WDR81: variants seen among roughly 807,000 people sequenced by gnomAD.
WDR81 encodes WD repeat domain 81, also known as WD repeat-containing protein 81.
In WDR81, 92 loss-of-function variants were observed where a neutral mutation model predicts 140.8. The observed-to-expected ratio is 0.65, with a 90% CI of 0.55 to 0.78. WDR81 has a LOEUF of 0.78. Among genes scored for constraint, WDR81 ranks in the 30% least tolerant of loss-of-function variants. The pLI is 0.00. For missense variants in WDR81, 2,502 were observed against 2,636.4 expected (o/e 0.95, Z 1.12); for synonymous variants, 1,183 against 1,156.4 (o/e 1.02, Z -0.47).
chr17:1,730,767 A>G lies in WDR81; in HGVS notation c.3788A>G (p.Gln1263Arg), dbSNP rs772316291. The change falls in exon 3 of 10, where the codon CAG becomes CGG. Residue 1263 changes from glutamine (Q) to arginine (R), a missense_variant. By Grantham distance (43) the Gln-to-Arg change is conservative (BLOSUM62 1). This residue lies in a region of WDR81 where 1,737 missense variants were observed against 1,843.0 expected (regional missense o/e 0.94). Transcript: ENST00000409644. Reference protein sequence around the residue: ...LTSCYVGPTRQQFTVSSGESP... With the variant: ...LTSCYVGPTRRQFTVSSGESP... ...CCTTCCGTGGCAGGACCCACTCGGC[A>G]GCAGTTCACAGTGAGCAGTGGCGAG... 1 of 1,610,124 alleles carries G rather than the reference A, an allele frequency of 6.2e-7. No individual in the cohort carries two copies. Among genetic ancestry groups the G allele is most frequent in the South Asian group, 1.1e-5 (1 of 90,920 alleles).
rs1362900463 is a variant in WDR81 at position 1,727,504 on chromosome 17, A to C, written c.2545A>C (p.Arg849=). 6.4e-7 allele frequency: 1 copy of C among 1,550,406 alleles called. No homozygotes were observed. The highest frequency in any genetic ancestry group is 1.2e-5 in the South Asian group (1 of 84,066). Residue 849 remains arginine (R), a synonymous_variant, in exon 1 of 10, where the codon AGG becomes CGG. Coordinates refer to ENST00000409644, the MANE Select transcript of WDR81 (RefSeq NM_001163809.2). ...RGKLDQLFEY[R]PVSQGLPPPC... is the part of the protein sequence containing the mutation. ...CAAGCTGGACCAACTGTTTGAGTACAGGCCTGTCTCCCAGGGCCTGCCCCC... is the reference window on the plus strand; with the variant it reads ...CAAGCTGGACCAACTGTTTGAGTACCGGCCTGTCTCCCAGGGCCTGCCCCC...
In WDR81 at chr17:1,726,681, C is replaced by T. The variant is rs149461499; in HGVS notation, c.1722C>T (p.His574=). ...VCLHLVDAHT[H]LASYGVVQLF... ...TGCACCTGGTGGACGCCCACACTCA[C>T]CTGGCCAGCTACGGGGTGGTGCAGC... Residue 574 remains histidine (H), a synonymous_variant, in exon 1 of 10, where the codon CAC becomes CAT. Transcript: ENST00000409644. 9.2e-4 allele frequency: 1,419 copies of T among 1,549,982 alleles called. 18 individuals carry two copies. The East Asian group carries it at 0.031, about 33-fold the overall frequency.
Position 1,731,134 on chromosome 17 carries a change from G to C in WDR81, c.4033G>C (p.Ala1345Pro), listed in dbSNP as rs751643116. The C allele has an allele frequency of 6.2e-7, 1 of 1,613,286 alleles. No homozygotes were observed. Among genetic ancestry groups the C allele is most frequent in the South Asian group, 1.1e-5 (1 of 91,090 alleles). Residue 1345 changes from alanine (A) to proline (P), a missense_variant, in exon 4 of 10, where the codon GCG becomes CCG. Ala to Pro is a conservative substitution (Grantham distance 27). This residue lies in a region of WDR81 where 1,737 missense variants were observed against 1,843.0 expected (regional missense o/e 0.94). Transcript: ENST00000409644. ...CCGTAAGGAGGCGGGGCTGCTGGCCGCGGTGACGCTGACTCAGAAGATCAT... is the reference window on the plus strand; with the variant it reads ...CCGTAAGGAGGCGGGGCTGCTGGCCCCGGTGACGCTGACTCAGAAGATCAT... ...NSRKEAGLLAAVTLTQKIIVY... is the reference protein window; with the variant it reads ...NSRKEAGLLAPVTLTQKIIVY...
Position 1,735,873 on chromosome 17 carries a change from G to A in WDR81, c.5325+156G>A. 1 of 1,362,316 alleles carries A rather than the reference G, an allele frequency of 7.3e-7. No individual in the cohort carries two copies. The highest frequency in any genetic ancestry group is 9.8e-7 in the Non-Finnish European group (1 of 1,016,458). 84.4% of individuals were successfully genotyped at this position (1,362,316 alleles called of 1,614,324 possible). Reference sequence around the variant, plus strand: ...CACCCACAGCCACACATCCTGCGGGGCAGGACTCTGGCCTGTGATGGGGGT... The same window carrying A: ...CACCCACAGCCACACATCCTGCGGGACAGGACTCTGGCCTGTGATGGGGGT... On this transcript the variant is annotated intron_variant, in intron 8 of 9. Transcript: ENST00000409644. The surrounding 1 kb of genome is among the most constrained non-coding windows in gnomAD (Gnocchi z 4.2).
chr17:1,723,635 C>A (rs1480482007), upstream of WDR81, among the ~76,000 whole-genome samples: 1 of 151,750 alleles, frequency 6.6e-6, no homozygotes, highest in Non-Finnish European at 1.5e-5. Flanking sequence ...ACAGGCGCCC[C>A]CCACCACGGC....
upstream of WDR81, among the ~76,000 whole-genome samples, chr17:1,720,828 T>G (rs1006460503): frequency 2.0e-5 from 3 of 151,712 alleles, no homozygotes; most frequent in African/African-American, 7.3e-5. Context: ...AGGGCTCAGA[T>G]TGGGCCAGGG....
At chr17:1,721,347 G>A (rs765600301), upstream of WDR81, among the ~76,000 whole-genome samples, 2 of 129,626 alleles carry the variant, frequency 1.5e-5, no homozygotes, top group Non-Finnish European at 1.7e-5. Flanking sequence ...CAACAAGAGC[G>A]AAACTTTGTC....
rs1350543125 is a variant in WDR81 at position 1,726,258 on chromosome 17, A to G, written c.1299A>G (p.Glu433=). 1 of 1,534,064 alleles carries G rather than the reference A, an allele frequency of 6.5e-7. No homozygotes were observed. Among genetic ancestry groups the G allele is most frequent in the East Asian group, 2.5e-5 (1 of 40,666 alleles). Residue 433 remains glutamate (E), a synonymous_variant, in exon 1 of 10, where the codon GAA becomes GAG. Coordinates refer to ENST00000409644, the MANE Select transcript of WDR81 (RefSeq NM_001163809.2). ...AFVAGGAGGG[E]PPHVPHHISD... ...TAGCAGGCGGGGCGGGCGGCGGGGA[A>G]CCCCCTCATGTTCCCCACCACATCT... is the stretch of plus-strand genomic sequence containing the variant.
rs146205209 is a variant in WDR81 at position 1,735,533 on chromosome 17, C to G, written c.5180-39C>G. On this transcript the variant is annotated intron_variant, in intron 7 of 9. Transcript: ENST00000409644. The surrounding 1 kb of genome is among the most constrained non-coding windows in gnomAD (Gnocchi z 4.2). ...GAAGCTCCCAGGGCTCTTCCGTCAG[C>G]TGCTGGGACCCCAGATCCACTGTGA... 6.5e-7 allele frequency: 1 copy of G among 1,545,892 alleles called. No individual in the cohort carries two copies. Among genetic ancestry groups the G allele is most frequent in the African/African-American group, 1.4e-5 (1 of 73,238 alleles).
At position 1,730,869 on chromosome 17, in the gene WDR81, G is replaced by T. The variant is rs1904310710; in HGVS notation, c.3890G>T (p.Ser1297Ile). ...GACATCGTGTCAGGGCCTGTGCTCA[G>T]CTGCCTCCTCCACATCGCCCGCCTG... ...LGDIVSGPVLSCLLHIARLYG... is the reference protein window; with the variant it reads ...LGDIVSGPVLICLLHIARLYG... Residue 1297 changes from serine to isoleucine, a missense_variant, in exon 3 of 10, where the codon AGC (serine) becomes ATC (isoleucine). By Grantham distance (142) the Ser-to-Ile change is moderately radical (BLOSUM62 -2). Around this residue, in one of 3 missense-constraint regions of WDR81, gnomAD observed 1,737 missense variants for 1,843.0 expected, o/e 0.94. Coordinates refer to ENST00000409644, the MANE Select transcript of WDR81 (RefSeq NM_001163809.2). 6.2e-7 allele frequency: 1 copy of T among 1,612,936 alleles called. No individual in the cohort carries two copies. The highest frequency in any genetic ancestry group is 2.2e-5 in the East Asian group (1 of 44,886).
chr17:1,730,470 T>C lies in WDR81; in HGVS notation c.3758T>C (p.Leu1253Pro), dbSNP rs1289645332. The change falls in exon 2 of 10, where the codon CTG (leucine) becomes CCG (proline). Residue 1253 changes from leucine to proline, a missense_variant. Physicochemically the swap from Leu to Pro is moderately conservative, Grantham distance 98. This residue lies in a region of WDR81 where 1,737 missense variants were observed against 1,843.0 expected (regional missense o/e 0.94). Coordinates refer to ENST00000409644, the MANE Select transcript of WDR81 (RefSeq NM_001163809.2). ...RHVARNLLRL[L>P]TSCYVGPTRQ... Reference sequence around the variant, plus strand: ...GTGGCCCGGAACCTGCTCCGCCTGCTGACGTCTTGTTATGTTGGTAAGGAG... The same window carrying C: ...GTGGCCCGGAACCTGCTCCGCCTGCCGACGTCTTGTTATGTTGGTAAGGAG... 3 of 1,613,264 alleles carry C rather than the reference T, an allele frequency of 1.9e-6. No individual in the cohort carries two copies. The highest frequency in any genetic ancestry group is 2.5e-6 in the Non-Finnish European group (3 of 1,179,922).
chr17:1,716,821 G>A, intron 1 of WDR81: 1 of 677,514 alleles, frequency 1.5e-6, no homozygotes, highest in Non-Finnish European at 2.5e-6. Flanking sequence ...AGTGGGCAGA[G>A]CGTCAGCCCC....
At position 1,727,209 on chromosome 17, in the gene WDR81, G is replaced by T. The variant is rs1224673295; in HGVS notation, c.2250G>T (p.Glu750Asp). 1 of 1,550,080 alleles carries T rather than the reference G, an allele frequency of 6.5e-7. No individual in the cohort carries two copies. Among genetic ancestry groups the T allele is most frequent in the Non-Finnish European group, 8.7e-7 (1 of 1,146,730 alleles). Residue 750 changes from glutamate to aspartate, a missense_variant, in exon 1 of 10, where the codon GAG becomes GAT. Transcript: ENST00000409644. ...FLAKGLGGLL[E>D]VPEQPRVQPA... ...CCAAAGGCCTAGGGGGCCTGTTGGA[G>T]GTGCCTGAGCAGCCCCGGGTCCAGC... is the stretch of plus-strand genomic sequence containing the variant.
Position 1,726,049 on chromosome 17 carries a change from ATGCAGC to A in WDR81, c.1093_1098del (p.Gln365_Leu366del). 1 of 1,546,474 alleles carries A rather than the reference ATGCAGC, an allele frequency of 6.5e-7. No homozygotes were observed. Among genetic ancestry groups the A allele is most frequent in the South Asian group, 1.2e-5 (1 of 83,756 alleles). ...CCGCATCAGCAACTTCCACTACCTC[ATGCAGC>A]TGAATCGGTTGGCAGGTCGGCGGCA... On this transcript the variant is annotated inframe_deletion, in exon 1 of 10. Transcript: ENST00000409644.
chr17:1,726,262 C>G lies in WDR81; in HGVS notation c.1303C>G (p.Pro435Ala). 2 of 1,537,840 alleles carry G rather than the reference C, an allele frequency of 1.3e-6. No individual in the cohort carries two copies. The highest frequency in any genetic ancestry group is 1.8e-6 in the Non-Finnish European group (2 of 1,139,726). Residue 435 changes from proline to alanine, a missense_variant, in exon 1 of 10, where the codon CCT (proline) becomes GCT (alanine). Physicochemically the swap from Pro to Ala is conservative, Grantham distance 27 (BLOSUM62 -1). This residue lies in a region of WDR81 where 218 missense variants were observed against 279.6 expected (regional missense o/e 0.78). Transcript: ENST00000409644. ...AGGCGGGGCGGGCGGCGGGGAACCC[C>G]CTCATGTTCCCCACCACATCTCAGA... ...VAGGAGGGEP[P>A]HVPHHISDVL...
At chr17:1,721,523 A>T (rs969968049), upstream of WDR81, among the ~76,000 whole-genome samples, 2 of 151,982 alleles carry the variant, frequency 1.3e-5, no homozygotes, top group African/African-American at 2.4e-5. Context: ...TGTGTCAAAA[A>T]AAATAAATAA....
chr17:1,725,214 G>A lies in WDR81; in HGVS notation c.255G>A (p.Ala85=), dbSNP rs548478316. Residue 85 remains alanine (A), a synonymous_variant, in exon 1 of 10, where the codon GCG becomes GCA. Coordinates refer to ENST00000409644, the MANE Select transcript of WDR81 (RefSeq NM_001163809.2). ...PCPRAEGLGE[A]EVRTLLQRSV... Reference sequence around the variant, plus strand: ...CCCGCGCAGAGGGCCTGGGAGAAGCGGAAGTCAGGACTCTCCTGCAGCGCT... The same window carrying A: ...CCCGCGCAGAGGGCCTGGGAGAAGCAGAAGTCAGGACTCTCCTGCAGCGCT... 6.5e-6 allele frequency: 10 copies of A among 1,538,978 alleles called. No homozygotes were observed. The African/African-American group carries it at 1.4e-4, about 21-fold the overall frequency.
Position 1,727,228 on chromosome 17 carries a change from G to A in WDR81, c.2269G>A (p.Val757Ile), listed in dbSNP as rs1179798865. Residue 757 changes from valine (V) to isoleucine (I), a missense_variant, in exon 1 of 10, where the codon GTC becomes ATC. Val to Ile is a conservative substitution (Grantham distance 29). This residue lies in a region of WDR81 where 1,737 missense variants were observed against 1,843.0 expected (regional missense o/e 0.94). Transcript: ENST00000409644. Reference sequence around the variant, plus strand: ...GTTGGAGGTGCCTGAGCAGCCCCGGGTCCAGCCGGCTGTGCCACTGCAGTG... The same window carrying A: ...GTTGGAGGTGCCTGAGCAGCCCCGGATCCAGCCGGCTGTGCCACTGCAGTG... ...GLLEVPEQPR[V>I]QPAVPLQCLL... 2 of 1,550,362 alleles carry A rather than the reference G, an allele frequency of 1.3e-6. No homozygotes were observed. Among genetic ancestry groups the A allele is most frequent in the East Asian group, 4.9e-5 (2 of 40,926 alleles).
At position 1,716,632 on chromosome 17, in the gene WDR81, CTG is replaced by C. The variant is rs747392985; in HGVS notation, c.-124+2_-124+3del. The C allele has an allele frequency of 3.9e-6, 6 of 1,551,588 alleles. No homozygotes were observed. The highest frequency in any genetic ancestry group is 1.4e-5 in the African/African-American group (1 of 73,072). ...CGTCGTTCCCAGAACCCAGCGCGCT[CTG>C]TGAGTTGGCATTTTTAAACTGAGCT... On this transcript the variant is annotated splice_donor_variant and 5_prime_UTR_variant, in exon 1 of 11. Transcript: ENST00000309182. LOFTEE classifies it low-confidence loss of function (5UTR_SPLICE).
Sources: gnomAD v4.1 joint callset for allele counts (sites outside exome capture counted in the v4.1 genomes callset) on GRCh38, gnomAD v4.1.1 for gene constraint, gnomAD v4.1.1 regional missense constraint, Gnocchi (gnomAD v3.1) non-coding constraint, MANE v1.5 for transcripts, NCBI Gene and HGNC (gene_info 2026-07-23, HGNC 2026-07-21) for gene names.